The following PBX1 variants were observed in gnomAD, a reference collection of about 807,000 sequenced individuals.
PBX1 encodes the protein pre-B-cell leukemia transcription factor 1.
A neutral mutation model predicts 53.4 loss-of-function variants in PBX1; 6 were observed. That is an observed-to-expected ratio of 0.11 (90% CI 0.06 to 0.22). The LOEUF (loss-of-function observed/expected upper bound fraction) is 0.22, where lower values mean the gene tolerates loss of function less well. Ranked by LOEUF, PBX1 falls within the 10% of genes least tolerant of loss-of-function variation. PBX1 has a pLI of 1.00. For missense variants in PBX1, 251 were observed against 551.4 expected (o/e 0.46, Z 5.46); for synonymous variants, 204 against 212.3 (o/e 0.96, Z 0.34).
rs538598518 is a variant in PBX1, at chr1:164,667,995, T to G, written c.265+104684T>G. On this transcript the variant is annotated intron_variant, in intron 2 of 8. Transcript: ENST00000420696. ...CCTTCTCCCACTTCTCCCTCCAGAG[T>G]GGGTGGAGTGCTATTTGCAGATCTC... is the stretch of plus-strand genomic sequence containing the variant. 1.3e-4 allele frequency among the ~76,000 whole-genome samples: 20 copies of G among 152,252 alleles called. No individual in the cohort carries two copies. In the South Asian group the frequency reaches 2.9e-3, roughly 22 times the overall value.
At chr1:164,841,098 A>G (rs928730497) in intron 8 of PBX1, among the ~76,000 whole-genome samples, 1 of 152,178 alleles carries the variant, frequency 6.6e-6, no homozygotes, top group Non-Finnish European at 1.5e-5. Context: ...GTGTGAAGGA[A>G]CACACGCAAT....
intron 2 of PBX1, among the ~76,000 whole-genome samples, chr1:164,743,355 G>A (rs952115077): frequency 1.3e-5 from 2 of 151,816 alleles, no homozygotes; most frequent in African/African-American, 2.4e-5. Context: ...TTTAAATAAG[G>A]CATCCTCAGG....
intron 2 of PBX1, 112 bp from the exon 3 acceptor site, chr1:164,792,382 C>A: frequency 6.7e-7 from 1 of 1,502,490 alleles, no homozygotes. Flanking sequence ...CCTCAAATGG[C>A]ATCTTGCAAG....
intron 8 of PBX1, among the ~76,000 whole-genome samples, chr1:164,845,410 C>A (rs970210312): frequency 5.3e-5 from 8 of 151,742 alleles, no homozygotes; most frequent in Non-Finnish European, 1.2e-4. Context: ...TGCCCCATCT[C>A]CCCCAAATTT....
In PBX1 at chr1:164,704,516, C is replaced by T. The variant is rs1050392748; in HGVS notation, c.266-87978C>T. Among the ~76,000 whole-genome samples, 60 of 152,128 alleles carry T rather than the reference C, an allele frequency of 3.9e-4. 1 individual carries two copies. The highest frequency in any genetic ancestry group is 1.5e-4 in the Non-Finnish European group (10 of 68,024). ...AAGAATTCGGAGCTATGAGAAACTG[C>T]TAGTTACAAGACTTATTAATATTAA... On this transcript the variant is annotated intron_variant, in intron 2 of 8. Coordinates refer to ENST00000420696, the MANE Select transcript of PBX1 (RefSeq NM_002585.4).
intron 2 of PBX1, among the ~76,000 whole-genome samples, chr1:164,602,275 G>A (rs1227475280): frequency 1.3e-5 from 2 of 152,082 alleles, no homozygotes; most frequent in Admixed American, 6.6e-5. Context: ...TGCTGAAATT[G>A]CTATGGGAGG....
chr1:164,560,678 AT>A (rs1053042422), intron 1 of PBX1, among the ~76,000 whole-genome samples: 1 of 152,094 alleles, frequency 6.6e-6, no homozygotes, highest in Non-Finnish European at 1.5e-5. Flanking sequence ...TGAAAAGGTG[AT>A]TTTGTTTTTA....
chr1:164,569,190 C>T (rs1653655274), intron 2 of PBX1, among the ~76,000 whole-genome samples: 1 of 152,276 alleles, frequency 6.6e-6, no homozygotes, highest in Non-Finnish European at 1.5e-5. Context: ...TGGTTAAGGA[C>T]CTGGTCTTTA....
At chr1:164,768,525 T>A (rs1415096568) in intron 2 of PBX1, among the ~76,000 whole-genome samples, 3 of 152,204 alleles carry the variant, frequency 2.0e-5, no homozygotes, top group African/African-American at 7.2e-5. Flanking sequence ...CTTAAATGTT[T>A]CGGAAATGTG....
intron 5 of PBX1, among the ~76,000 whole-genome samples, chr1:164,808,520 A>G (rs769955466): frequency 3.3e-5 from 5 of 152,182 alleles, no homozygotes; most frequent in African/African-American, 4.8e-5. Flanking sequence ...AATTAAATGT[A>G]CTGATATTTC....
intron 2 of PBX1, chr1:164,626,166 TTTTATC>T: frequency 1.1e-6 from 1 of 925,142 alleles, no homozygotes; most frequent in Non-Finnish European, 1.3e-6. Flanking sequence ...GCCTTCCCCC[TTTTATC>T]TTTAAGGATT....
Position 164,764,587 on chromosome 1 carries a change from C to T in PBX1, c.266-27907C>T, listed in dbSNP as rs567949041. ...ACCATCACATATTTTATTTAGACCACAGATGTTCAGTCTCATAATTTAGTT... is the reference window on the plus strand; with the variant it reads ...ACCATCACATATTTTATTTAGACCATAGATGTTCAGTCTCATAATTTAGTT... On this transcript the variant is annotated intron_variant, in intron 2 of 8. Transcript: ENST00000420696. Among the ~76,000 whole-genome samples the T allele has an allele frequency of 4.6e-4, 70 of 152,300 alleles. 1 individual carries two copies. The South Asian group carries it at 0.014, about 31-fold the overall frequency.
At chr1:164,601,402 G>T (rs978652530) in intron 2 of PBX1, among the ~76,000 whole-genome samples, 4 of 152,112 alleles carry the variant, frequency 2.6e-5, no homozygotes, top group African/African-American at 9.7e-5. Flanking sequence ...TCTTTCTGAG[G>T]CATCCGACAC....
intron 2 of PBX1, among the ~76,000 whole-genome samples, chr1:164,788,754 C>CA (rs1668329227): frequency 7.7e-6 from 1 of 129,404 alleles, no homozygotes; most frequent in Non-Finnish European, 1.6e-5. Flanking sequence ...CGCCGCCCTC[C>CA]CCCCCCCGCC....
chr1:164,611,453 T>A (rs1656920867), intron 2 of PBX1, among the ~76,000 whole-genome samples: 1 of 152,082 alleles, frequency 6.6e-6, no homozygotes, highest in Non-Finnish European at 1.5e-5. Flanking sequence ...TTAGCCAGGA[T>A]GGTCTCGATC....
intron 2 of PBX1, among the ~76,000 whole-genome samples, chr1:164,604,822 T>C (rs1271996734): frequency 1.3e-5 from 2 of 152,202 alleles, no homozygotes; most frequent in East Asian, 3.8e-4. Flanking sequence ...GACTATTTTT[T>C]TTTTCATTTA....
intron 2 of PBX1, among the ~76,000 whole-genome samples, chr1:164,785,629 G>A (rs1313725917): frequency 1.3e-5 from 2 of 152,186 alleles, no homozygotes; most frequent in East Asian, 1.9e-4. Context: ...CTGGAGGAGC[G>A]TAAACCATGG....
chr1:164,663,138 C>G (rs1426937622), intron 2 of PBX1, among the ~76,000 whole-genome samples: 4 of 152,050 alleles, frequency 2.6e-5, no homozygotes, highest in African/African-American at 9.7e-5. Flanking sequence ...GCGTGCCTAC[C>G]TTTCTGCCTG....
intron 2 of PBX1, among the ~76,000 whole-genome samples, chr1:164,781,340 C>G (rs1016033007): frequency 6.6e-6 from 1 of 152,140 alleles, no homozygotes; most frequent in East Asian, 1.9e-4. Context: ...ATTGGGATCT[C>G]TCTTCCAATC....
Sources: gnomAD v4.1 joint callset for allele counts (sites outside exome capture counted in the v4.1 genomes callset) on GRCh38, gnomAD v4.1.1 for gene constraint, MANE v1.5 for transcripts, NCBI Gene and HGNC (gene_info 2026-07-23, HGNC 2026-07-21) for gene names.